The following SLC16A14 variants were observed in gnomAD, a reference collection of about 807,000 sequenced individuals.
SLC16A14 encodes the protein monocarboxylate transporter 14.
A neutral mutation model predicts 35.8 loss-of-function variants in SLC16A14; 14 were observed. The observed-to-expected ratio is 0.39, with a 90% CI of 0.26 to 0.61. The LOEUF (loss-of-function observed/expected upper bound fraction) is 0.61. Among genes scored for constraint, SLC16A14 ranks in the 20% least tolerant of loss-of-function variants. The probability of loss-of-function intolerance (pLI) is 0.51; values close to 1 mark genes in which losing one functional copy is unlikely to be tolerated. For missense variants in SLC16A14, 533 were observed against 655.0 expected, an observed-to-expected ratio of 0.81 and a Z score of 2.03; for synonymous variants, 248 against 258.9, an observed-to-expected ratio of 0.96 and a Z score of 0.40.
intron 2 of SLC16A14, among the ~76,000 whole-genome samples, chr2:230,054,782 C>T (rs2077691392): frequency 6.6e-6 from 1 of 151,654 alleles, no homozygotes; most frequent in Non-Finnish European, 1.5e-5. Context: ...TGAATTCATG[C>T]TACTCATGGG....
At chr2:230,056,332 G>A (rs960144439) in intron 2 of SLC16A14, among the ~76,000 whole-genome samples, 4 of 145,250 alleles carry the variant, frequency 2.8e-5, no homozygotes, top group Non-Finnish European at 5.9e-5. Context: ...TCGGCTGACT[G>A]CAACCTCTGC....
intron 3 of SLC16A14, among the ~76,000 whole-genome samples, chr2:230,047,307 CTTTTTTT>C (rs56262602): frequency 2.7e-5 from 3 of 110,344 alleles, no homozygotes; most frequent in Non-Finnish European, 3.6e-5. Flanking sequence ...TATCTGACTT[CTTTTTTT>C]TTTTTTTTTT....
In SLC16A14 at chr2:230,046,238, G is replaced by A; in HGVS notation, c.888C>T (p.Gly296=). 1 of 1,614,192 alleles carries A rather than the reference G, an allele frequency of 6.2e-7. No homozygotes were observed. Among genetic ancestry groups the A allele is most frequent in the Non-Finnish European group, 8.5e-7 (1 of 1,180,042 alleles). ...VSWLTMRVRK[G]FEDWYSGYFG... is the part of the protein sequence containing the mutation. ...AGTAGCCCGAATACCAGTCCTCGAAGCCCTTCCTGACTCTCATGGTGAGCC... is the reference window on the plus strand; with the variant it reads ...AGTAGCCCGAATACCAGTCCTCGAAACCCTTCCTGACTCTCATGGTGAGCC... Residue 296 remains glycine (G), a synonymous_variant, in exon 4 of 5, where the codon GGC becomes GGT. Coordinates refer to ENST00000295190, the MANE Select transcript of SLC16A14 (RefSeq NM_152527.5). The surrounding 1 kb of genome is among the most constrained non-coding windows in gnomAD (Gnocchi z 5.0).
intron 4 of SLC16A14, among the ~76,000 whole-genome samples, chr2:230,039,043 A>C (rs2077539452): frequency 6.6e-6 from 1 of 152,112 alleles, no homozygotes; most frequent in South Asian, 2.1e-4. Flanking sequence ...CCATCAAGAA[A>C]CAGCCACACA....
chr2:230,042,190 C>G (rs927285634), intron 4 of SLC16A14, among the ~76,000 whole-genome samples: 1 of 152,166 alleles, frequency 6.6e-6, no homozygotes, highest in Non-Finnish European at 1.5e-5. Context: ...CGATTTCTAC[C>G]GTCCATGGTG....
chr2:230,059,175 C>G lies in SLC16A14; in HGVS notation c.178G>C (p.Glu60Gln). The change falls in exon 2 of 5, where the codon GAA becomes CAA. Residue 60 changes from glutamate (E) to glutamine (Q), a missense_variant. Physicochemically the swap from Glu to Gln is conservative, Grantham distance 29. Coordinates refer to ENST00000295190, the MANE Select transcript of SLC16A14 (RefSeq NM_152527.5). Reference sequence around the variant, plus strand: ...CTCTGGTGGAATTCTTCCAGCCATTCCACGTTGAGGACACCCAGGGCCATC... The same window carrying G: ...CTCTGGTGGAATTCTTCCAGCCATTGCACGTTGAGGACACCCAGGGCCATC... ...SQMALGVLNV[E>Q]WLEEFHQSRG... 6.2e-7 allele frequency: 1 copy of G among 1,614,188 alleles called. No individual in the cohort carries two copies. Among genetic ancestry groups the G allele is most frequent in the Admixed American group, 1.7e-5 (1 of 60,024 alleles).
At position 230,035,027 on chromosome 2, in the gene SLC16A14, C is replaced by T. The variant is rs2077510451; in HGVS notation, c.*2353G>A. 6.6e-6 allele frequency: 1 copy of T among 152,160 alleles called. No individual in the cohort carries two copies. Among genetic ancestry groups the T allele is most frequent in the Non-Finnish European group, 1.5e-5 (1 of 68,028 alleles). 9.4% of individuals were successfully genotyped at this position (152,160 alleles called of 1,614,324 possible). A position where few individuals can be genotyped will look rare whatever the true frequency, so the allele number is the denominator to read the frequency against. ...TTTAGTTGTATGTAAATAAAAATTA[C>T]TTGGATACATGAGGGGAAAACGATA... On this transcript the variant is annotated 3_prime_UTR_variant, in exon 5 of 5. Transcript: ENST00000295190.
chr2:230,037,762 C>T (rs2077530207), intron 4 of SLC16A14, among the ~76,000 whole-genome samples: 1 of 151,910 alleles, frequency 6.6e-6, no homozygotes, highest in African/African-American at 2.4e-5. Flanking sequence ...CAGTGTTCCC[C>T]GTGCCTACGG....
chr2:230,063,396 T>A (rs2077767005), intron 1 of SLC16A14, among the ~76,000 whole-genome samples: 1 of 151,444 alleles, frequency 6.6e-6, no homozygotes, highest in Non-Finnish European at 1.5e-5. Context: ...TGATTTTCTC[T>A]CCTTCCCCTC....
At position 230,059,133 on chromosome 2, in the gene SLC16A14, A is replaced by G; in HGVS notation, c.220T>C (p.Trp74Arg). 6.2e-7 allele frequency: 1 copy of G among 1,614,122 alleles called. No homozygotes were observed. Among genetic ancestry groups the G allele is most frequent in the Non-Finnish European group, 8.5e-7 (1 of 1,179,974 alleles). The change falls in exon 2 of 5, where the codon TGG (tryptophan) becomes CGG (arginine). Residue 74 changes from tryptophan to arginine, a missense_variant. By Grantham distance (101) the Trp-to-Arg change is moderately radical (BLOSUM62 -3). Coordinates refer to ENST00000295190, the MANE Select transcript of SLC16A14 (RefSeq NM_152527.5). ...EFHQSRGLTA[W>R]VSSLSMGITL... is the part of the protein sequence containing the mutation. ...ATGCCCATGCTGAGGGAGCTGACCC[A>G]GGCGGTCAGGCCGCGGCTCTGGTGG... is the stretch of plus-strand genomic sequence containing the variant.
In SLC16A14 at chr2:230,046,559, C is replaced by T; in HGVS notation, c.567G>A (p.Arg189=). The T allele has an allele frequency of 6.2e-7, 1 of 1,614,200 alleles. No individual in the cohort carries two copies. Among genetic ancestry groups the T allele is most frequent in the Non-Finnish European group, 8.5e-7 (1 of 1,180,032 alleles). Residue 189 remains arginine, a synonymous_variant, in exon 4 of 5, where the codon AGG becomes AGA. Transcript: ENST00000295190. This position sits in a 1 kb window ranked among gnomAD's most constrained non-coding sequence, Gnocchi z 5.0. ...LKYLCAEYGW[R]NAMLIQGAVS... ...CGGCACCTTGGATCAACATGGCATT[C>T]CTCCAGCCGTACTCTGCGCACAGGT...
intron 2 of SLC16A14, among the ~76,000 whole-genome samples, chr2:230,056,310 A>G (rs1443658304): frequency 7.2e-6 from 1 of 139,354 alleles, no homozygotes; most frequent in East Asian, 2.1e-4. Flanking sequence ...GCTGGAGTGC[A>G]GTGGCGCCAT....
chr2:230,035,306 A>G lies in SLC16A14; in HGVS notation c.*2074T>C, dbSNP rs2077512238. ...CTGAACGTGAGCAAGTCTAACTTAG[A>G]TGTAATTAGAGTTGAGTCATTGGAT... On this transcript the variant is annotated 3_prime_UTR_variant, in exon 5 of 5. Coordinates refer to ENST00000295190, the MANE Select transcript of SLC16A14 (RefSeq NM_152527.5). The G allele has an allele frequency of 6.6e-6, 1 of 152,634 alleles. No individual in the cohort carries two copies. Among genetic ancestry groups the G allele is most frequent in the Admixed American group, 6.5e-5 (1 of 15,282 alleles). The allele number at this position is 152,634 out of a possible 1,614,324, so 9.5% of individuals were successfully genotyped here.
chr2:230,066,073 G>C (rs1372047327), intron 1 of SLC16A14, among the ~76,000 whole-genome samples: 2 of 152,214 alleles, frequency 1.3e-5, no homozygotes, highest in Non-Finnish European at 2.9e-5. Context: ...GGGAGGCTGA[G>C]GGGGATGGAT....
At chr2:230,043,296 G>A (rs766818426) in intron 4 of SLC16A14, among the ~76,000 whole-genome samples, 5 of 152,202 alleles carry the variant, frequency 3.3e-5, no homozygotes, top group Non-Finnish European at 5.9e-5. Flanking sequence ...AACTGCTGGT[G>A]TTGTCCGCTG....
In SLC16A14 at chr2:230,059,191, C is replaced by G; in HGVS notation, c.162G>C (p.Leu54=). ...CCAGCCATTCCACGTTGAGGACACC[C>G]AGGGCCATCTGGGAGCCCATGATGA... ...HILIMGSQMA[L]GVLNVEWLEE... Residue 54 remains leucine (L), a synonymous_variant, in exon 2 of 5, where the codon CTG becomes CTC. Coordinates refer to ENST00000295190, the MANE Select transcript of SLC16A14 (RefSeq NM_152527.5). 2.5e-6 allele frequency: 4 copies of G among 1,614,200 alleles called. No individual in the cohort carries two copies. Among genetic ancestry groups the G allele is most frequent in the Non-Finnish European group, 3.4e-6 (4 of 1,180,036 alleles).
chr2:230,065,160 G>A (rs2077783528), intron 1 of SLC16A14, among the ~76,000 whole-genome samples: 1 of 152,214 alleles, frequency 6.6e-6, no homozygotes, highest in Non-Finnish European at 1.5e-5. Flanking sequence ...AACTGCTCTT[G>A]ATATTTCCAG....
intron 2 of SLC16A14, among the ~76,000 whole-genome samples, chr2:230,052,137 G>A (rs1297955866): frequency 2.6e-5 from 4 of 152,056 alleles, no homozygotes; most frequent in Non-Finnish European, 4.4e-5. Context: ...GGGTTTCACC[G>A]TGTTAGCCAG....
chr2:230,038,228 T>C lies in SLC16A14; in HGVS notation c.1382-697A>G, dbSNP rs1356263018. Among the ~76,000 whole-genome samples the C allele has an allele frequency of 2.0e-5, 3 of 152,212 alleles. No homozygotes were observed. On this transcript the variant is annotated intron_variant, in intron 4 of 4. Coordinates refer to ENST00000295190, the MANE Select transcript of SLC16A14 (RefSeq NM_152527.5). The surrounding 1 kb of genome is among the most constrained non-coding windows in gnomAD (Gnocchi z 4.4). ...AATCTAACAGCTTAATATAATAATC[T>C]TATTAGACATTCTGTAAAATACCAC...
Sources: allele counts gnomAD v4.1 joint callset (sites outside exome capture counted in the v4.1 genomes callset), GRCh38; gene constraint gnomAD v4.1.1; non-coding constraint Gnocchi (gnomAD v3.1); transcripts MANE v1.5; gene names NCBI Gene and HGNC (gene_info 2026-07-23, HGNC 2026-07-21).